The following LFNG variants were observed in gnomAD, a reference collection of about 807,000 sequenced individuals.
The protein encoded by LFNG is LFNG O-fucosylpeptide 3-beta-N-acetylglucosaminyltransferase, also known as beta-1,3-N-acetylglucosaminyltransferase lunatic fringe.
Under a neutral mutation model 32.7 loss-of-function variants are expected in LFNG, and 15 were observed. That is an observed-to-expected ratio of 0.46 (90% CI 0.31 to 0.71). LFNG has a LOEUF of 0.71. Ranked by LOEUF, LFNG falls within the 30% of genes least tolerant of loss-of-function variation. The pLI is 0.06. For missense variants in LFNG, 520 were observed against 545.7 expected (o/e 0.95, Z 0.47); for synonymous variants, 274 against 246.8 (o/e 1.11, Z -1.03).
chr7:2,513,329 G>A (rs111645859), upstream of LFNG: 348 of 1,592,224 alleles, frequency 2.2e-4, 3 homozygotes, highest in African/African-American at 3.5e-3. Flanking sequence ...CTCTCAGCAG[G>A]TGTGATCGCC....
At chr7:2,522,715 A>T (rs1779828703) in intron 1 of LFNG, among the ~76,000 whole-genome samples, 1 of 152,210 alleles carries the variant, frequency 6.6e-6, no homozygotes, top group Admixed American at 6.5e-5. Context: ...GCCCCAGGGT[A>T]TGACCTCAGG....
upstream of LFNG, chr7:2,519,735 G>T: frequency 2.2e-6 from 1 of 446,872 alleles, no homozygotes; most frequent in Non-Finnish European, 3.0e-6. Flanking sequence ...CGGGACCGGG[G>T]CGGGGAGGTT....
intron 1 of LFNG, among the ~76,000 whole-genome samples, chr7:2,522,602 C>T (rs1242807215): frequency 4.0e-5 from 6 of 148,592 alleles, no homozygotes; most frequent in African/African-American, 1.2e-4. Context: ...CTCATCCACC[C>T]GGCTCTTCCT....
At chr7:2,524,271 C>T (rs1363107332) in intron 1 of LFNG, among the ~76,000 whole-genome samples, 1 of 151,956 alleles carries the variant, frequency 6.6e-6, no homozygotes, top group Non-Finnish European at 1.5e-5. Context: ...CCCCGCCTGT[C>T]CCCCGCCTTT....
At position 2,527,441 on chromosome 7, in the gene LFNG, G is replaced by A. The variant is rs1042022259; in HGVS notation, c.*229G>A. On this transcript the variant is annotated 3_prime_UTR_variant, in exon 8 of 8. Transcript: ENST00000222725. This position sits in a 1 kb window ranked among gnomAD's most constrained non-coding sequence, Gnocchi z 4.4. ...AGCGCCACTTATGTGCCTCTGCTCCGAGGGCCAGTGGGCTGCAGGGCCTGC... is the reference window on the plus strand; with the variant it reads ...AGCGCCACTTATGTGCCTCTGCTCCAAGGGCCAGTGGGCTGCAGGGCCTGC... The A allele has an allele frequency of 1.4e-5, 20 of 1,438,322 alleles. No individual in the cohort carries two copies. The highest frequency in any genetic ancestry group is 2.5e-5 in the East Asian group (1 of 39,312). The allele number at this position is 1,438,322 out of a possible 1,614,324, so 89.1% of individuals were successfully genotyped here.
At chr7:2,524,629 C>T (rs1019816103) in intron 1 of LFNG, 66 bp from the exon 2 acceptor site, 1 of 1,472,976 alleles carries the variant, frequency 6.8e-7, no homozygotes, top group Non-Finnish European at 9.3e-7. Flanking sequence ...CCCCGTCCGG[C>T]CCCCACAGAT....
At chr7:2,518,706 T>A, upstream of LFNG, 2 of 1,485,266 alleles carry the variant, frequency 1.3e-6, no homozygotes, top group Non-Finnish European at 1.8e-6. Context: ...GTGGTGGTCG[T>A]GGTGGTCGCA....
In LFNG at chr7:2,519,888, G is replaced by A; in HGVS notation, c.27G>A (p.Leu9=). The A allele has an allele frequency of 9.1e-7, 1 of 1,103,974 alleles. No individual in the cohort carries two copies. The allele number at this position is 1,103,974 out of a possible 1,614,324, so 68.4% of individuals were successfully genotyped here. A position where few individuals can be genotyped will look rare whatever the true frequency, so the allele number is the denominator to read the frequency against. ...TGCTCAAGCGCTGCGGCCGGCGCCTGCTGCTGGCGCTGGCGGGCGCGCTGC... is the reference window on the plus strand; with the variant it reads ...TGCTCAAGCGCTGCGGCCGGCGCCTACTGCTGGCGCTGGCGGGCGCGCTGC... MLKRCGRR[L]LLALAGALLA... The change falls in exon 1 of 8, where the codon CTG becomes CTA. Residue 9 remains leucine, a synonymous_variant. Coordinates refer to ENST00000222725, the MANE Select transcript of LFNG (RefSeq NM_001040167.2).
chr7:2,520,366 G>A lies in LFNG; in HGVS notation c.432+73G>A. ...ACCATCTGGTCCAGCTGGTGGCAGT[G>A]TCCCATGGGAGTCAGGCTGCATCCC... On this transcript the variant is annotated intron_variant, in intron 1 of 7. Coordinates refer to ENST00000222725, the MANE Select transcript of LFNG (RefSeq NM_001040167.2). This position sits in a 1 kb window ranked among gnomAD's most constrained non-coding sequence, Gnocchi z 5.0. 7.3e-7 allele frequency: 1 copy of A among 1,366,234 alleles called. No individual in the cohort carries two copies. Among genetic ancestry groups the A allele is most frequent in the Non-Finnish European group, 1.0e-6 (1 of 987,488 alleles). The allele number at this position is 1,366,234 out of a possible 1,614,324, so 84.6% of individuals were successfully genotyped here.
At chr7:2,523,669 C>T (rs995067218) in intron 1 of LFNG, 34 of 152,206 alleles carry the variant, frequency 2.2e-4, no homozygotes, top group African/African-American at 6.8e-4. Flanking sequence ...CCTCCTCTTC[C>T]GCAGAGCGCT....
chr7:2,524,600 C>G, intron 1 of LFNG, 95 bp from the exon 2 acceptor site: 1 of 1,179,186 alleles, frequency 8.5e-7, no homozygotes, highest in Non-Finnish European at 1.2e-6. Context: ...GCAGCTGCAG[C>G]TGCAGCAACT....
At chr7:2,517,757 C>A, upstream of LFNG, 1 of 667,886 alleles carries the variant, frequency 1.5e-6, no homozygotes, top group Non-Finnish European at 2.4e-6. Flanking sequence ...CCATGCTTGG[C>A]TGCAGGGGAT....
intron 1 of LFNG, among the ~76,000 whole-genome samples, chr7:2,524,265 G>A (rs1364993003): frequency 8.6e-5 from 13 of 151,696 alleles, no homozygotes. Context: ...CCGCCACCCC[G>A]CCTGTCCCCC....
At chr7:2,513,234 C>CGGACAGAT (rs759062946), upstream of LFNG, 21 of 1,604,992 alleles carry the variant, frequency 1.3e-5, no homozygotes, top group South Asian at 1.1e-5. Flanking sequence ...GAAGGATGGA[C>CGGACAGAT]GGACAGATGG....
chr7:2,513,070 G>T, upstream of LFNG: 4 of 1,330,798 alleles, frequency 3.0e-6, no homozygotes, highest in Non-Finnish European at 4.3e-6. Flanking sequence ...CCCACAGTGG[G>T]TTCTCCCTCG....
upstream of LFNG, among the ~76,000 whole-genome samples, chr7:2,516,327 C>T (rs538662341): frequency 1.3e-4 from 20 of 152,354 alleles, no homozygotes; most frequent in African/African-American, 4.8e-4. Flanking sequence ...TAATGGGTCA[C>T]CCATTATGTC....
upstream of LFNG, chr7:2,518,537 A>G: frequency 7.6e-7 from 1 of 1,313,104 alleles, no homozygotes; most frequent in Non-Finnish European, 1.1e-6. Context: ...ATGTCCCAAA[A>G]CCTGTTCCAG....
chr7:2,520,042 G>T lies in LFNG; in HGVS notation c.181G>T (p.Ala61Ser), dbSNP rs1779741292. ...CCCGGCGCCCGGGCTGGGGGCGGCG[G>T]CGGCGGCGCCCGGGGCGCTGGTCCG... ...AAPAPGLGAA[A>S]AAPGALVRDV... The change falls in exon 1 of 8, where the codon GCG becomes TCG. Residue 61 changes from alanine to serine, a missense_variant. By Grantham distance (99) the Ala-to-Ser change is moderately conservative (BLOSUM62 1). Transcript: ENST00000222725. This position sits in a 1 kb window ranked among gnomAD's most constrained non-coding sequence, Gnocchi z 5.0. The T allele has an allele frequency of 1.9e-6, 2 of 1,076,394 alleles. No homozygotes were observed. The highest frequency in any genetic ancestry group is 8.2e-5 in the South Asian group (2 of 24,440). 66.7% of individuals were successfully genotyped at this position (1,076,394 alleles called of 1,614,324 possible). A position where few individuals can be genotyped will look rare whatever the true frequency, so the allele number is the denominator to read the frequency against.
intron 1 of LFNG, among the ~76,000 whole-genome samples, chr7:2,522,792 T>TCCG (rs1779830632): frequency 6.6e-6 from 1 of 152,210 alleles, no homozygotes; most frequent in South Asian, 2.1e-4. Context: ...GGCACCCACC[T>TCCG]CCGAGGGCTG....
Sources: gnomAD v4.1 joint callset for allele counts (sites outside exome capture counted in the v4.1 genomes callset) on GRCh38, gnomAD v4.1.1 for gene constraint, Gnocchi (gnomAD v3.1) non-coding constraint, MANE v1.5 for transcripts, NCBI Gene and HGNC (gene_info 2026-07-23, HGNC 2026-07-21) for gene names.